PTPRG: variants seen among roughly 807,000 people sequenced by gnomAD.
PTPRG encodes the protein protein tyrosine phosphatase receptor type G, also known as receptor-type tyrosine-protein phosphatase gamma.
Under a neutral mutation model 165.3 loss-of-function variants are expected in PTPRG, and 102 were observed. That is an observed-to-expected ratio of 0.62 (90% CI 0.53 to 0.73). The LOEUF (loss-of-function observed/expected upper bound fraction) is 0.73, where lower values mean the gene tolerates loss of function less well. Ranked by LOEUF, PTPRG falls within the 30% of genes least tolerant of loss-of-function variation. The pLI is 0.00. For synonymous variants in PTPRG, 675 were observed against 669.5 expected (o/e 1.01, Z -0.13); for missense variants, 1,866 against 1,861.4 (o/e 1.00, Z -0.05).
At chr3:62,080,842 G>A (rs571724458) in intron 5 of PTPRG, among the ~76,000 whole-genome samples, 121 of 152,146 alleles carry the variant, frequency 8.0e-4, no homozygotes, top group Non-Finnish European at 1.5e-3. Flanking sequence ...AAAGTATTTC[G>A]AGGACACCGC....
chr3:61,665,095 A>C (rs1047863237), intron 1 of PTPRG, among the ~76,000 whole-genome samples: 1 of 152,148 alleles, frequency 6.6e-6, no homozygotes, highest in Non-Finnish European at 1.5e-5. Flanking sequence ...CATTTTGTGT[A>C]GCTGGGCTGT....
At chr3:61,874,087 A>C (rs538421137) in intron 2 of PTPRG, among the ~76,000 whole-genome samples, 3 of 152,218 alleles carry the variant, frequency 2.0e-5, no homozygotes, top group South Asian at 4.1e-4. Context: ...AAGACACTCA[A>C]ATCAGACTCT....
intron 2 of PTPRG, among the ~76,000 whole-genome samples, chr3:61,971,522 C>T (rs1398758812): frequency 6.6e-6 from 1 of 152,130 alleles, no homozygotes; most frequent in Admixed American, 6.6e-5. Context: ...TGCTGGGTAC[C>T]ATATTTGAAC....
At chr3:62,193,561 A>G (rs1383562618) in intron 9 of PTPRG, among the ~76,000 whole-genome samples, 3 of 152,208 alleles carry the variant, frequency 2.0e-5, no homozygotes, top group African/African-American at 4.8e-5. Context: ...GAAGTAATAC[A>G]TATCATTTGA....
intron 2 of PTPRG, among the ~76,000 whole-genome samples, chr3:61,760,816 C>A (rs2033810803): frequency 6.6e-6 from 1 of 152,106 alleles, no homozygotes; most frequent in Non-Finnish European, 1.5e-5. Flanking sequence ...TCCATGTGTT[C>A]AGCTCCCTCT....
chr3:62,212,893 G>C (rs1700398390), intron 12 of PTPRG, among the ~76,000 whole-genome samples: 1 of 152,238 alleles, frequency 6.6e-6, no homozygotes, highest in Non-Finnish European at 1.5e-5. Context: ...TGTCAAACCA[G>C]GGTTGCCAGT....
chr3:62,263,983 TA>T (rs1223105088), intron 17 of PTPRG: 3 of 152,104 alleles, frequency 2.0e-5, no homozygotes, highest in Non-Finnish European at 4.4e-5. Context: ...CTGTCTCTAC[TA>T]AAAATACAAA....
At chr3:62,040,331 C>A (rs1700085584) in intron 4 of PTPRG, among the ~76,000 whole-genome samples, 1 of 152,194 alleles carries the variant, frequency 6.6e-6, no homozygotes, top group Admixed American at 6.5e-5. Context: ...TGGCAGTGAG[C>A]ACCTATGGGA....
rs1001306799 is a variant in PTPRG at position 61,924,719 on chromosome 3, C to T, written c.191-64906C>T. ...TCAGTAAAGTTTTTCTGAAAAGGGC[C>T]AGATAGCAAATGTTTTAGGCTTGTG... On this transcript the variant is annotated intron_variant, in intron 2 of 29. Coordinates refer to ENST00000474889, the MANE Select transcript of PTPRG (RefSeq NM_002841.4). Among the ~76,000 whole-genome samples, 4 of 152,130 alleles carry T rather than the reference C, an allele frequency of 2.6e-5. No individual in the cohort carries two copies. The East Asian group carries it at 7.7e-4, about 29-fold the overall frequency.
At chr3:61,986,282 G>C (rs1380119859) in intron 2 of PTPRG, among the ~76,000 whole-genome samples, 1 of 152,148 alleles carries the variant, frequency 6.6e-6, no homozygotes, top group Non-Finnish European at 1.5e-5. Context: ...TTGGAATGAA[G>C]TTGTACAAGA....
chr3:62,007,795 G>A (rs1454150737), intron 4 of PTPRG, among the ~76,000 whole-genome samples: 1 of 152,216 alleles, frequency 6.6e-6, no homozygotes, highest in African/African-American at 2.4e-5. Flanking sequence ...ATGAGTTGGA[G>A]CTTCCTAGTA....
chr3:61,807,364 C>T lies in PTPRG; in HGVS notation c.190+58382C>T, dbSNP rs554886939. Among the ~76,000 whole-genome samples, 4 of 152,290 alleles carry T rather than the reference C, an allele frequency of 2.6e-5. No individual in the cohort carries two copies. The South Asian group carries it at 6.2e-4, about 24-fold the overall frequency. On this transcript the variant is annotated intron_variant, in intron 2 of 29. Coordinates refer to ENST00000474889, the MANE Select transcript of PTPRG (RefSeq NM_002841.4). ...AGTTACTTGTCATTACTCAAGTTTACATCCGGTCTGTCTCTGGGCCAGCGT... is the reference window on the plus strand; with the variant it reads ...AGTTACTTGTCATTACTCAAGTTTATATCCGGTCTGTCTCTGGGCCAGCGT...
chr3:62,090,756 C>T (rs1016982041), intron 5 of PTPRG, among the ~76,000 whole-genome samples: 7 of 152,186 alleles, frequency 4.6e-5, no homozygotes, highest in African/African-American at 1.4e-4. Flanking sequence ...ATTTCATGCT[C>T]ATAACAGCCC....
At chr3:62,054,220 C>G (rs1319629861) in intron 4 of PTPRG, among the ~76,000 whole-genome samples, 2 of 152,218 alleles carry the variant, frequency 1.3e-5, no homozygotes, top group Non-Finnish European at 2.9e-5. Context: ...TCTAACATTT[C>G]TATAGCTCCA....
chr3:61,921,117 CTCCTTCCTTCCTTCCTTCCT>C lies in PTPRG; in HGVS notation c.191-68481_191-68462del, dbSNP rs72298352. 5.9e-4 allele frequency among the ~76,000 whole-genome samples: 88 copies of C among 148,620 alleles called. 1 individual carries two copies. The highest frequency in any genetic ancestry group is 3.5e-3 in the Middle Eastern group (1 of 288). Reference sequence around the variant, plus strand: ...CTTCCATCCATCTCCTTCCATCCATCTCCTTCCTTCCTTCCTTCCTTCCTTCCTTCCTTCCTTCCTTCCTT... The same window carrying C: ...CTTCCATCCATCTCCTTCCATCCATCTCCTTCCTTCCTTCCTTCCTTCCTT... On this transcript the variant is annotated intron_variant, in intron 2 of 29. Transcript: ENST00000474889.
chr3:61,878,964 C>T (rs1410486590), intron 2 of PTPRG, among the ~76,000 whole-genome samples: 1 of 152,164 alleles, frequency 6.6e-6, no homozygotes, highest in East Asian at 1.9e-4. Context: ...TACTAGAATT[C>T]CTTGGTCTTT....
intron 4 of PTPRG, among the ~76,000 whole-genome samples, chr3:62,020,282 C>G (rs1405417047): frequency 6.6e-6 from 1 of 152,082 alleles, no homozygotes; most frequent in Non-Finnish European, 1.5e-5. Flanking sequence ...TTGCTGCATT[C>G]TACAGATTTT....
intron 5 of PTPRG, among the ~76,000 whole-genome samples, 156 bp downstream of exon 5, chr3:62,078,414 A>T (rs1701462072): frequency 6.6e-6 from 1 of 152,202 alleles, no homozygotes; most frequent in Admixed American, 6.5e-5. Context: ...TTTAAAATGT[A>T]AATAAGTATG....
chr3:62,047,052 G>A (rs1700315990), intron 4 of PTPRG, among the ~76,000 whole-genome samples: 1 of 152,118 alleles, frequency 6.6e-6, no homozygotes, highest in South Asian at 2.1e-4. Context: ...GCAATAAGTG[G>A]AACCCAGAAT....
Sources: allele counts gnomAD v4.1 joint callset (sites outside exome capture counted in the v4.1 genomes callset), GRCh38; gene constraint gnomAD v4.1.1; transcripts MANE v1.5; gene names NCBI Gene and HGNC (gene_info 2026-07-23, HGNC 2026-07-21).